The following NELL1 variants were observed in gnomAD, a reference collection of about 807,000 sequenced individuals.
NELL1 encodes the protein neural EGFL like 1.
Under a neutral mutation model 107.4 loss-of-function variants are expected in NELL1, and 76 were observed. The observed-to-expected ratio is 0.71, with a 90% CI of 0.59 to 0.86. The LOEUF (loss-of-function observed/expected upper bound fraction) is 0.86. Ranked by LOEUF, NELL1 falls within the 40% of genes least tolerant of loss-of-function variation. The pLI is 0.00. For missense variants in NELL1, 1,024 were observed against 1,005.5 expected (o/e 1.02, Z -0.25); for synonymous variants, 353 against 341.2 (o/e 1.03, Z -0.38).
intron 15 of NELL1, among the ~76,000 whole-genome samples, chr11:21,519,212 G>C (rs374610929): frequency 2.6e-5 from 4 of 152,226 alleles, no homozygotes; most frequent in African/African-American, 9.6e-5. Context: ...CAAGAACTTG[G>C]TCACATGCCC....
intron 5 of NELL1, among the ~76,000 whole-genome samples, chr11:20,902,092 G>A (rs1178012046): frequency 2.0e-5 from 3 of 151,938 alleles, no homozygotes; most frequent in African/African-American, 4.8e-5. Context: ...ATATCTTCAC[G>A]ATCTCAGTCA....
At chr11:20,884,153 G>A (rs1849460956) in intron 4 of NELL1, among the ~76,000 whole-genome samples, 1 of 152,206 alleles carries the variant, frequency 6.6e-6, no homozygotes, top group Admixed American at 6.5e-5. Flanking sequence ...GGGAATAGTA[G>A]AGTAATGGAC....
At chr11:20,716,213 C>A (rs184364640) in intron 2 of NELL1, among the ~76,000 whole-genome samples, 5 of 152,324 alleles carry the variant, frequency 3.3e-5, no homozygotes, top group Non-Finnish European at 5.9e-5. Flanking sequence ...AGGCATGGGG[C>A]CACGTGCCTG....
intron 3 of NELL1, among the ~76,000 whole-genome samples, chr11:20,843,993 G>A (rs967669141): frequency 1.1e-4 from 17 of 152,162 alleles, no homozygotes; most frequent in African/African-American, 4.1e-4. Context: ...ATACAGGTTG[G>A]AAAAGATTTG....
intron 6 of NELL1, among the ~76,000 whole-genome samples, chr11:20,918,990 A>G (rs1226707776): frequency 6.6e-6 from 1 of 151,946 alleles, no homozygotes; most frequent in African/African-American, 2.4e-5. Context: ...TATAAAAATG[A>G]GAGTTTAATT....
intron 12 of NELL1, among the ~76,000 whole-genome samples, chr11:21,023,069 T>C (rs1302391275): frequency 6.6e-6 from 1 of 152,034 alleles, no homozygotes; most frequent in African/African-American, 2.4e-5. Context: ...TGAAATTTTC[T>C]AACCCAAAGC....
intron 12 of NELL1, among the ~76,000 whole-genome samples, chr11:21,098,624 G>T (rs369173590): frequency 6.6e-6 from 1 of 152,162 alleles, no homozygotes; most frequent in Non-Finnish European, 1.5e-5. Flanking sequence ...TTCCCTGATG[G>T]TACCACTTTG....
chr11:21,492,111 A>C (rs1854836659), intron 15 of NELL1, among the ~76,000 whole-genome samples: 1 of 152,190 alleles, frequency 6.6e-6, no homozygotes, highest in Non-Finnish European at 1.5e-5. Flanking sequence ...TCTCAAAAGA[A>C]GACATTTATG....
intron 14 of NELL1, among the ~76,000 whole-genome samples, chr11:21,271,689 T>C (rs1613281): frequency 0.91 from 138,035 of 152,224 alleles, 62,724 homozygotes; most frequent in Non-Finnish European, 0.93. Context: ...AACTATAGCC[T>C]GGTATTTCTC....
At chr11:21,015,780 A>C in intron 12 of NELL1, among the ~76,000 whole-genome samples, 1 of 152,098 alleles carries the variant, frequency 6.6e-6, no homozygotes, top group East Asian at 1.9e-4. Flanking sequence ...CATTGCATTT[A>C]AGTTAAAACA....
intron 17 of NELL1, among the ~76,000 whole-genome samples, chr11:21,564,286 T>A (rs986340524): frequency 1.6e-4 from 24 of 151,896 alleles, no homozygotes; most frequent in African/African-American, 5.6e-4. Context: ...TAACATCTAA[T>A]GGGAGAAAAT....
intron 13 of NELL1, among the ~76,000 whole-genome samples, chr11:21,143,534 T>A (rs1855913097): frequency 6.6e-6 from 1 of 152,212 alleles, no homozygotes; most frequent in Non-Finnish European, 1.5e-5. Flanking sequence ...GGATGTCCCA[T>A]GTTCAATTTG....
At chr11:20,911,156 C>G (rs1850123270) in intron 5 of NELL1, among the ~76,000 whole-genome samples, 1 of 152,160 alleles carries the variant, frequency 6.6e-6, no homozygotes, top group Non-Finnish European at 1.5e-5. Flanking sequence ...GAACTTTGTG[C>G]TTGAGCTCAA....
chr11:20,839,000 G>A (rs1590339559), intron 3 of NELL1, among the ~76,000 whole-genome samples: 1 of 152,036 alleles, frequency 6.6e-6, no homozygotes, highest in Admixed American at 6.6e-5. Flanking sequence ...GACTTTATTT[G>A]CAGGCCTTGA....
chr11:21,264,749 G>GA (rs1817487343), intron 14 of NELL1, among the ~76,000 whole-genome samples: 1 of 151,746 alleles, frequency 6.6e-6, no homozygotes, highest in Non-Finnish European at 1.5e-5. Context: ...AACAGTTGTG[G>GA]AGTGTGTGTG....
At chr11:21,394,806 T>C (rs1225703238) in intron 15 of NELL1, among the ~76,000 whole-genome samples, 3 of 151,590 alleles carry the variant, frequency 2.0e-5, no homozygotes, top group African/African-American at 7.2e-5. Flanking sequence ...TTAACACTTA[T>C]GCATGCTAGA....
intron 12 of NELL1, among the ~76,000 whole-genome samples, chr11:21,016,721 C>A (rs928283558): frequency 6.6e-6 from 1 of 152,078 alleles, no homozygotes; most frequent in Non-Finnish European, 1.5e-5. Context: ...GTATATTGAT[C>A]ATTTCCACCT....
chr11:21,535,913 A>T (rs1456100441), intron 16 of NELL1, among the ~76,000 whole-genome samples: 1 of 152,140 alleles, frequency 6.6e-6, no homozygotes, highest in African/African-American at 2.4e-5. Context: ...TCAATGTTAT[A>T]TGAATAGGAA....
At chr11:21,526,697 C>A (rs1855863802) in intron 15 of NELL1, among the ~76,000 whole-genome samples, 1 of 152,160 alleles carries the variant, frequency 6.6e-6, no homozygotes, top group Non-Finnish European at 1.5e-5. Context: ...CACATTGAAG[C>A]TGTTAAGGGT....
Sources: allele counts gnomAD v4.1 joint callset (sites outside exome capture counted in the v4.1 genomes callset), GRCh38; gene constraint gnomAD v4.1.1; transcripts MANE v1.5; gene names NCBI Gene and HGNC (gene_info 2026-07-23, HGNC 2026-07-21).